Variants in IHO1 observed in about 807,000 individuals in gnomAD.
IHO1 encodes interactor of HORMAD1 1.
IHO1 carries 13 observed loss-of-function variants against 31.0 expected under a neutral mutation model. That is an observed-to-expected ratio of 0.42 (90% CI 0.27 to 0.67). IHO1 has a LOEUF of 0.67. Among genes scored for constraint, IHO1 ranks in the 30% least tolerant of loss-of-function variants. The pLI, the probability that IHO1 is intolerant of heterozygous loss-of-function variation, is 0.24. For synonymous variants in IHO1, 221 were observed against 248.4 expected (o/e 0.89, Z 1.04); for missense variants, 599 against 687.5 (o/e 0.87, Z 1.44).
chr3:49,240,515 C>T (rs1160604040), intron 3 of IHO1, among the ~76,000 whole-genome samples: 2 of 152,132 alleles, frequency 1.3e-5, no homozygotes, highest in African/African-American at 2.4e-5. Context: ...TGAGCCACCA[C>T]ACCCGACCAA....
intron 1 of IHO1, among the ~76,000 whole-genome samples, chr3:49,207,160 C>A (rs1400987858): frequency 6.6e-6 from 1 of 151,410 alleles, no homozygotes; most frequent in African/African-American, 2.4e-5. Context: ...ACTTGATGAC[C>A]GGTTATATTA....
chr3:49,213,912 T>C (rs999488167), intron 2 of IHO1: 2 of 365,944 alleles, frequency 5.5e-6, no homozygotes, highest in Admixed American at 5.5e-5. Context: ...GCTGAAGGGC[T>C]CCTCAAGCAT....
chr3:49,226,710 T>G (rs917229378), intron 2 of IHO1, among the ~76,000 whole-genome samples: 4 of 152,204 alleles, frequency 2.6e-5, no homozygotes, highest in African/African-American at 9.6e-5. Flanking sequence ...CGCATTCTTT[T>G]CATTAAAGGC....
chr3:49,201,215 G>A (rs567456866), intron 1 of IHO1, among the ~76,000 whole-genome samples: 5 of 151,822 alleles, frequency 3.3e-5, no homozygotes, highest in East Asian at 3.9e-4. Flanking sequence ...GGATGGTCTC[G>A]ATCTCCTGAC....
intron 2 of IHO1, among the ~76,000 whole-genome samples, chr3:49,226,943 T>G (rs1346382335): frequency 1.3e-5 from 2 of 151,514 alleles, no homozygotes; most frequent in African/African-American, 4.9e-5. Context: ...AACCTGGGGG[T>G]TTTTGTGGTC....
At chr3:49,244,760 G>A in intron 6 of IHO1, 27 bp downstream of exon 6, 1 of 1,568,556 alleles carries the variant, frequency 6.4e-7, no homozygotes, top group Non-Finnish European at 8.8e-7. Flanking sequence ...TGAGGTATCA[G>A]CAGAGGGCAC....
chr3:49,248,038 T>C (rs1036371486), intron 6 of IHO1, among the ~76,000 whole-genome samples: 2 of 150,998 alleles, frequency 1.3e-5, no homozygotes, highest in African/African-American at 4.9e-5. Flanking sequence ...GACAGGAGAA[T>C]CGTTTGAACC....
Position 49,244,708 on chromosome 3 carries a change from T to A in IHO1, c.507T>A (p.Asp169Glu), listed in dbSNP as rs1285574362. 1 of 1,614,162 alleles carries A rather than the reference T, an allele frequency of 6.2e-7. No homozygotes were observed. The highest frequency in any genetic ancestry group is 8.5e-7 in the Non-Finnish European group (1 of 1,180,034). Residue 169 changes from aspartate to glutamate, a missense_variant, in exon 6 of 8, where the codon GAT (aspartate) becomes GAA (glutamate). Physicochemically the swap from Asp to Glu is conservative, Grantham distance 45. Coordinates refer to ENST00000452691, the MANE Select transcript of IHO1 (RefSeq NM_001135197.2). ...HLSSRSQSILDSLETVAKTLQ... is the reference protein window; with the variant it reads ...HLSSRSQSILESLETVAKTLQ... ...GTTCAAGAAGCCAATCTATTTTGGA[T>A]TCTTTGGAGACTGTGGCCAAGACAT...
upstream of IHO1, among the ~76,000 whole-genome samples, chr3:49,195,834 G>T (rs2045993420): frequency 6.6e-6 from 1 of 151,624 alleles, no homozygotes; most frequent in African/African-American, 2.4e-5. Context: ...AGGCGCGGTG[G>T]CTAACGCCTG....
intron 6 of IHO1, 48 bp from the exon 7 acceptor site, chr3:49,255,342 T>C: frequency 7.5e-7 from 1 of 1,329,422 alleles, no homozygotes; most frequent in Admixed American, 2.3e-5. Context: ...AGATGGGACA[T>C]ACCATACATA....
At chr3:49,248,124 C>CAA (rs60797316) in intron 6 of IHO1, among the ~76,000 whole-genome samples, 5 of 107,530 alleles carry the variant, frequency 4.6e-5, no homozygotes, top group African/African-American at 1.5e-4. Flanking sequence ...GACTCCATCT[C>CAA]AAAAAAAAAA....
upstream of IHO1, among the ~76,000 whole-genome samples, chr3:49,194,632 A>G (rs1385689312): frequency 6.8e-6 from 1 of 148,110 alleles, no homozygotes; most frequent in Non-Finnish European, 1.5e-5. Context: ...ATGGTGGCTC[A>G]TGCCTGTAAT....
chr3:49,195,629 G>T (rs965172384), upstream of IHO1, among the ~76,000 whole-genome samples: 1 of 151,636 alleles, frequency 6.6e-6, no homozygotes, highest in Admixed American at 6.6e-5. Flanking sequence ...CAGGAGAATG[G>T]TGTGAACCCA....
chr3:49,206,625 G>T (rs115654252), intron 1 of IHO1, among the ~76,000 whole-genome samples: 2,337 of 152,246 alleles, frequency 0.015, 39 homozygotes, highest in Non-Finnish European at 0.024. Context: ...GACCTGTATC[G>T]TTGCTGACCT....
chr3:49,245,342 A>G (rs1380100936), intron 6 of IHO1: 2 of 152,810 alleles, frequency 1.3e-5, no homozygotes, highest in Non-Finnish European at 2.9e-5. Context: ...GTCTGCCACC[A>G]CGGCTGGCTA....
intron 2 of IHO1, among the ~76,000 whole-genome samples, chr3:49,219,611 C>G (rs560546742): frequency 6.6e-6 from 1 of 152,056 alleles, no homozygotes; most frequent in African/African-American, 2.4e-5. Context: ...CTTCTAGTGC[C>G]GCTGGGTTAG....
At chr3:49,225,772 A>G (rs1464394828) in intron 2 of IHO1, among the ~76,000 whole-genome samples, 4 of 152,208 alleles carry the variant, frequency 2.6e-5, no homozygotes, top group African/African-American at 9.7e-5. Context: ...TTGGATGGTA[A>G]CAGACCTTGA....
intron 6 of IHO1, among the ~76,000 whole-genome samples, chr3:49,246,650 A>AAAT (rs141701373): frequency 3.0e-4 from 45 of 151,614 alleles, no homozygotes; most frequent in Admixed American, 6.6e-4. Context: ...TCCCTGTATC[A>AAAT]AATAATAATA....
At chr3:49,221,649 A>C (rs912406597) in intron 2 of IHO1, among the ~76,000 whole-genome samples, 4 of 152,248 alleles carry the variant, frequency 2.6e-5, no homozygotes, top group African/African-American at 9.6e-5. Flanking sequence ...TAGGCCAGCC[A>C]AAGGGCCAGT....
Sources: gnomAD v4.1 joint callset for allele counts (sites outside exome capture counted in the v4.1 genomes callset) on GRCh38, gnomAD v4.1.1 for gene constraint, MANE v1.5 for transcripts, NCBI Gene and HGNC (gene_info 2026-07-23, HGNC 2026-07-21) for gene names.